VMA22: variants seen among roughly 807,000 people sequenced by gnomAD.
The protein encoded by VMA22 is vacuolar ATPase assembly protein VMA22.
chr2:130,341,936 G>C, the VMA22 span: 1 of 1,613,668 alleles, frequency 6.2e-7, no homozygotes, highest in South Asian at 1.1e-5. Context: ...TGGCGAGCGA[G>C]AGCCAGCCCT....
At chr2:130,338,353 G>A in the VMA22 span, 1 of 152,240 alleles carries the variant, frequency 6.6e-6, no homozygotes, top group African/African-American at 2.4e-5. Flanking sequence ...TAAGCAAAAA[G>A]ATAAACTGGA....
the VMA22 span, chr2:130,342,033 C>G: frequency 1.1e-3 from 1,797 of 1,613,988 alleles, 3 homozygotes; most frequent in Non-Finnish European, 1.1e-3. Flanking sequence ...CCCGGGCGTT[C>G]AACACCGTTC....
At chr2:130,340,628 A>G in the VMA22 span, 1 of 449,148 alleles carries the variant, frequency 2.2e-6, no homozygotes, top group Non-Finnish European at 4.1e-6. Flanking sequence ...TTAAGGGCCT[A>G]CTTATTTGCA....
At chr2:130,339,471 C>A in the VMA22 span, 1 of 1,388,378 alleles carries the variant, frequency 7.2e-7, no homozygotes, top group South Asian at 1.5e-5. Flanking sequence ...ATATCACCCA[C>A]CAGGAACTAA....
At chr2:130,342,572 C>T in the VMA22 span, 1 of 460,950 alleles carries the variant, frequency 2.2e-6, no homozygotes, top group Admixed American at 3.8e-5. Flanking sequence ...CTGTTTCCAG[C>T]CGCTAATTAT....
At chr2:130,342,126 G>A in the VMA22 span, 47 of 1,613,376 alleles carry the variant, frequency 2.9e-5, 1 homozygote, top group South Asian at 3.6e-4. Flanking sequence ...GCGCCGCCAT[G>A]GACACACCTC....
chr2:130,339,227 G>A, the VMA22 span: 1 of 1,613,726 alleles, frequency 6.2e-7, no homozygotes, highest in Non-Finnish European at 8.5e-7. Context: ...GCGGCCAGCT[G>A]CAGGCCTGGA....
the VMA22 span, chr2:130,340,757 G>A: frequency 1.1e-6 from 1 of 899,278 alleles, no homozygotes; most frequent in Non-Finnish European, 1.7e-6. Context: ...AATGCTTTTG[G>A]AAAAAATAAT....
At chr2:130,339,101 C>G in the VMA22 span, 8 of 1,586,944 alleles carry the variant, frequency 5.0e-6, no homozygotes, top group Non-Finnish European at 6.9e-6. Flanking sequence ...GCTCGCTGCC[C>G]TGCCTCTTTG....
At chr2:130,342,366 C>T in the VMA22 span, 12 of 694,590 alleles carry the variant, frequency 1.7e-5, no homozygotes, top group East Asian at 3.3e-4. Context: ...GCCTGCTGAA[C>T]TGTCGGCTAG....
chr2:130,339,033 G>A, the VMA22 span: 2 of 963,176 alleles, frequency 2.1e-6, no homozygotes, highest in Non-Finnish European at 3.2e-6. Flanking sequence ...GTAGGGGCAA[G>A]AGCTAATTGT....
the VMA22 span, among the ~76,000 whole-genome samples, chr2:130,337,999 C>T: frequency 6.6e-6 from 1 of 152,222 alleles, no homozygotes; most frequent in Admixed American, 6.5e-5. Context: ...CCCCAAATTA[C>T]ATTAGGTTTA....
chr2:130,341,493 C>G, the VMA22 span: 3 of 598,964 alleles, frequency 5.0e-6, no homozygotes, highest in Non-Finnish European at 9.0e-6. Context: ...AACTCACCAA[C>G]AATTTCTCTA....
At chr2:130,338,784 C>G in the VMA22 span, 4 of 264,858 alleles carry the variant, frequency 1.5e-5, no homozygotes, top group Non-Finnish European at 2.9e-5. Flanking sequence ...GCCCCCATCT[C>G]TCTTCGCACA....
the VMA22 span, chr2:130,342,281 G>C: frequency 6.9e-7 from 1 of 1,445,042 alleles, no homozygotes; most frequent in Non-Finnish European, 9.3e-7. Context: ...GCTTCTTTAA[G>C]GGCAAGCGCC....
At chr2:130,341,943 C>T in the VMA22 span, 5 of 1,613,428 alleles carry the variant, frequency 3.1e-6, no homozygotes, top group Non-Finnish European at 3.4e-6. Flanking sequence ...CGAGAGCCAG[C>T]CCTGCAGGGA....
the VMA22 span, chr2:130,342,219 G>A: frequency 6.4e-7 from 1 of 1,558,052 alleles, no homozygotes; most frequent in Non-Finnish European, 8.7e-7. Flanking sequence ...TCCATCAAGG[G>A]GCGTTCCCAT....
At chr2:130,338,649 G>A in the VMA22 span, 1 of 154,668 alleles carries the variant, frequency 6.5e-6, no homozygotes, top group African/African-American at 2.4e-5. Flanking sequence ...GGGCTGCCCA[G>A]CTACTCAGGT....
the VMA22 span, chr2:130,341,069 G>T: frequency 6.4e-7 from 1 of 1,564,142 alleles, no homozygotes. Context: ...AGGAGGCTGG[G>T]ATCTTACTCC....
Sources: allele counts gnomAD v4.1 joint callset (sites outside exome capture counted in the v4.1 genomes callset), GRCh38; gene constraint gnomAD v4.1.1; transcripts MANE v1.5; gene names NCBI Gene and HGNC (gene_info 2026-07-23, HGNC 2026-07-21).